The following GNA15 variants were observed in gnomAD, a reference collection of about 807,000 sequenced individuals.
GNA15 encodes G protein subunit alpha 15, also known as guanine nucleotide-binding protein subunit alpha-15.
A neutral mutation model predicts 40.1 loss-of-function variants in GNA15; 23 were observed. The observed-to-expected ratio is 0.57, with a 90% CI of 0.41 to 0.81. The LOEUF (loss-of-function observed/expected upper bound fraction) is 0.81, where lower values mean the gene tolerates loss of function less well. Among genes scored for constraint, GNA15 ranks in the 40% least tolerant of loss-of-function variants. The probability of loss-of-function intolerance (pLI) is 0.00; values close to 1 mark genes in which losing one functional copy is unlikely to be tolerated. For missense variants in GNA15, 522 were observed against 515.8 expected, an observed-to-expected ratio of 1.01 and a Z score of -0.12; for synonymous variants, 226 against 210.4, an observed-to-expected ratio of 1.07 and a Z score of -0.64.
chr19:3,157,080 C>G (rs1190896778), intron 5 of GNA15, among the ~76,000 whole-genome samples: 1 of 152,040 alleles, frequency 6.6e-6, no homozygotes, highest in Non-Finnish European at 1.5e-5. Context: ...TCACTGCAAC[C>G]TCCGCCTCCC....
chr19:3,148,856 T>G, intron 2 of GNA15, 81 bp downstream of exon 2: 4 of 1,373,162 alleles, frequency 2.9e-6, no homozygotes, highest in Non-Finnish European at 3.9e-6. Context: ...CAGGGCCAAG[T>G]TCCCCAGACT....
At chr19:3,144,746 T>G (rs889881031) in intron 1 of GNA15, among the ~76,000 whole-genome samples, 4 of 151,350 alleles carry the variant, frequency 2.6e-5, no homozygotes, top group South Asian at 2.1e-4. Context: ...GCCAGGATGG[T>G]CTCGATCTCC....
chr19:3,155,948 A>G lies in GNA15; in HGVS notation c.740A>G (p.Gln247Arg), dbSNP rs1011689952. 5 of 1,613,678 alleles carry G rather than the reference A, an allele frequency of 3.1e-6. No homozygotes were observed. The African/African-American group carries it at 6.7e-5, about 22-fold the overall frequency. The stretch of plus-strand genomic sequence containing the variant: ...GACCAGTGCCTGGAGGAGAACAACC[A>G]GGAGGTGCGCCACCGCCTCCCTCGC... Reference protein sequence around the residue: ...EYDQCLEENNQENRMKESLAL... With the variant: ...EYDQCLEENNRENRMKESLAL... The change falls in exon 5 of 7, where the codon CAG becomes CGG. Residue 247 changes from glutamine to arginine, a missense_variant. Physicochemically the swap from Gln to Arg is conservative, Grantham distance 43. Coordinates refer to ENST00000262958, the MANE Select transcript of GNA15 (RefSeq NM_002068.4). The surrounding 1 kb of genome is among the most constrained non-coding windows in gnomAD (Gnocchi z 5.6).
intron 1 of GNA15, among the ~76,000 whole-genome samples, chr19:3,145,359 A>ATATATATATATATATATATATATATT: frequency 1.3e-4 from 6 of 46,962 alleles, no homozygotes; most frequent in Admixed American, 8.0e-4. Context: ...ATATATATAT[A>ATATATATATATATATATATATATATT]TTTTTTTTTT....
chr19:3,154,184 GAT>G, intron 4 of GNA15, among the ~76,000 whole-genome samples: 1 of 147,124 alleles, frequency 6.8e-6, no homozygotes, highest in African/African-American at 2.5e-5. Context: ...TGGATGGATG[GAT>G]GAATGGGTGG....
At chr19:3,150,052 TG>T in intron 2 of GNA15, 78 bp from the exon 3 acceptor site, 11 of 1,269,242 alleles carry the variant, frequency 8.7e-6, no homozygotes, top group Non-Finnish European at 1.1e-6. Flanking sequence ...GGGAGGGACG[TG>T]GGGGCTTGCA....
At chr19:3,146,236 C>A (rs1301242133) in intron 1 of GNA15, among the ~76,000 whole-genome samples, 1 of 152,134 alleles carries the variant, frequency 6.6e-6, no homozygotes, top group Non-Finnish European at 1.5e-5. Context: ...CATGCTGGTG[C>A]CCCCAGGAGC....
chr19:3,163,048 C>T lies in GNA15; in HGVS notation c.*29C>T, dbSNP rs773936357. 5.3e-6 allele frequency: 8 copies of T among 1,502,038 alleles called. No homozygotes were observed. Among genetic ancestry groups the T allele is most frequent in the South Asian group, 1.1e-5 (1 of 88,718 alleles). The allele number at this position is 1,502,038 out of a possible 1,614,324, so 93.0% of individuals were successfully genotyped here. ...AGGCCCCACCTGGGGCAGGCGGCAC[C>T]GGCGGGCGGGTGGGAGGTGGGAGTG... On this transcript the variant is annotated 3_prime_UTR_variant, in exon 7 of 7. Coordinates refer to ENST00000262958, the MANE Select transcript of GNA15 (RefSeq NM_002068.4).
chr19:3,147,426 G>C (rs561369580), intron 1 of GNA15, among the ~76,000 whole-genome samples: 1 of 151,788 alleles, frequency 6.6e-6, no homozygotes, highest in African/African-American at 2.4e-5. Flanking sequence ...GGTGGCACGC[G>C]CCTGTTACCC....
At chr19:3,138,333 T>C (rs8112632) in intron 1 of GNA15, among the ~76,000 whole-genome samples, 44,108 of 149,960 alleles carry the variant, frequency 0.29, 6,520 homozygotes, top group Non-Finnish European at 0.32. Context: ...GTTTCCCCAA[T>C]TACCTTTCCC....
Position 3,151,718 on chromosome 19 carries a change from A to C in GNA15, c.497A>C (p.His166Pro). 1 of 1,602,424 alleles carries C rather than the reference A, an allele frequency of 6.2e-7. No homozygotes were observed. The highest frequency in any genetic ancestry group is 8.5e-7 in the Non-Finnish European group (1 of 1,174,858). The stretch of plus-strand genomic sequence containing the variant: ...TCCTTGCTCTGCAGCTACCTGTCCC[A>C]CCTGGAGCGCATCACCGAGGAGGGC... ...LLDSAVYYLS[H>P]LERITEEGYV... The change falls in exon 4 of 7, where the codon CAC becomes CCC. Residue 166 changes from histidine to proline, a missense_variant. By Grantham distance (77) the His-to-Pro change is moderately conservative. Coordinates refer to ENST00000262958, the MANE Select transcript of GNA15 (RefSeq NM_002068.4). This position sits in a 1 kb window ranked among gnomAD's most constrained non-coding sequence, Gnocchi z 5.0.
chr19:3,159,665 G>C (rs889129427), intron 6 of GNA15, among the ~76,000 whole-genome samples: 10 of 152,182 alleles, frequency 6.6e-5, no homozygotes, highest in Admixed American at 6.6e-5. Context: ...TTTTAAAGCA[G>C]AGCTTTGAAC....
chr19:3,162,176 C>T (rs1292652633), intron 6 of GNA15, among the ~76,000 whole-genome samples: 5 of 151,996 alleles, frequency 3.3e-5, no homozygotes, highest in Admixed American at 1.3e-4. Context: ...CAGTGGCTCA[C>T]GCCTGTAATC....
rs1599316186 is a variant in GNA15 at position 3,136,253 on chromosome 19, G to A, written c.-198G>A. 3 of 574,582 alleles carry A rather than the reference G, an allele frequency of 5.2e-6. 1 individual carries two copies. In the Admixed American group the frequency reaches 9.4e-5, roughly 18 times the overall value. 35.6% of individuals were successfully genotyped at this position (574,582 alleles called of 1,614,324 possible). A position where few individuals can be genotyped will look rare whatever the true frequency, so the allele number is the denominator to read the frequency against. On this transcript the variant is annotated 5_prime_UTR_variant, in exon 1 of 7. Transcript: ENST00000262958. The surrounding 1 kb of genome is among the most constrained non-coding windows in gnomAD (Gnocchi z 4.9). The stretch of plus-strand genomic sequence containing the variant: ...ACCCTGTTCCCAGCACTCAAGCCTT[G>A]CCACCGCCGAGCCGGGCTTCCTGGG...
At chr19:3,156,699 T>C (rs1039084962) in intron 5 of GNA15, among the ~76,000 whole-genome samples, 4 of 152,158 alleles carry the variant, frequency 2.6e-5, no homozygotes, top group East Asian at 3.9e-4. Flanking sequence ...GGTTTCACCA[T>C]GTTAGCCAGG....
At position 3,136,888 on chromosome 19, in the gene GNA15, G is replaced by A. The variant is rs1010856333; in HGVS notation, c.145+293G>A. Among the ~76,000 whole-genome samples the A allele has an allele frequency of 9.2e-5, 14 of 152,230 alleles. No homozygotes were observed. Among genetic ancestry groups the A allele is most frequent in the African/African-American group, 3.1e-4 (13 of 41,464 alleles). On this transcript the variant is annotated intron_variant, in intron 1 of 6. Coordinates refer to ENST00000262958, the MANE Select transcript of GNA15 (RefSeq NM_002068.4). This position sits in a 1 kb window ranked among gnomAD's most constrained non-coding sequence, Gnocchi z 4.9. ...GCTCTACCGGGCCCCTGCCGGGCAG[G>A]CCCAGCACGCCCTACCTGTCTGTGT...
In GNA15 at chr19:3,150,114, C is replaced by T. The variant is rs781120516; in HGVS notation, c.331-17C>T. The T allele has an allele frequency of 1.1e-5, 17 of 1,608,792 alleles. No homozygotes were observed. The highest frequency in any genetic ancestry group is 1.4e-5 in the Non-Finnish European group (17 of 1,178,066). ...CTCAGAAAGGCTACCCTAACTGCCCCCGTCCTCCCTCCCCAGCACCACGCT... is the reference window on the plus strand; with the variant it reads ...CTCAGAAAGGCTACCCTAACTGCCCTCGTCCTCCCTCCCCAGCACCACGCT... On this transcript the variant is annotated splice_polypyrimidine_tract_variant and intron_variant, in intron 2 of 6. Transcript: ENST00000262958.
In GNA15 at chr19:3,157,721, A is replaced by G. The variant is rs768330434; in HGVS notation, c.745-7A>G. 1.2e-6 allele frequency: 2 copies of G among 1,612,826 alleles called. No homozygotes were observed. Among genetic ancestry groups the G allele is most frequent in the African/African-American group, 1.3e-5 (1 of 74,906 alleles). ...GAAGCACTAACCTGCTTCTGCCCCCAACACAGAACCGCATGAAGGAGAGCC... is the reference window on the plus strand; with the variant it reads ...GAAGCACTAACCTGCTTCTGCCCCCGACACAGAACCGCATGAAGGAGAGCC... On this transcript the variant is annotated splice_polypyrimidine_tract_variant and splice_region_variant and intron_variant, in intron 5 of 6. Coordinates refer to ENST00000262958, the MANE Select transcript of GNA15 (RefSeq NM_002068.4).
intron 2 of GNA15, 66 bp downstream of exon 2, chr19:3,148,841 C>A (rs889260830): frequency 2.8e-6 from 4 of 1,453,262 alleles, no homozygotes; most frequent in Non-Finnish European, 2.8e-6. Flanking sequence ...CCCCAGACCC[C>A]GGAGCAGGGC....
Sources: allele counts gnomAD v4.1 joint callset (sites outside exome capture counted in the v4.1 genomes callset), GRCh38; gene constraint gnomAD v4.1.1; non-coding constraint Gnocchi (gnomAD v3.1); transcripts MANE v1.5; gene names NCBI Gene and HGNC (gene_info 2026-07-23, HGNC 2026-07-21).